The following SCFD2 variants were observed in gnomAD, a reference collection of about 807,000 sequenced individuals.
SCFD2 encodes sec1 family domain containing 2, also known as sec1 family domain-containing protein 2.
SCFD2 carries 54 observed loss-of-function variants against 58.9 expected under a neutral mutation model. The ratio of observed to expected loss-of-function variants is 0.92; its 90% CI spans 0.74 to 1.15. SCFD2 has a LOEUF of 1.15. Among genes scored for constraint, SCFD2 ranks in the 50% most tolerant of loss-of-function variants. The probability of loss-of-function intolerance (pLI) is 0.00; values close to 1 mark genes in which losing one functional copy is unlikely to be tolerated. For missense variants in SCFD2, 805 were observed against 836.6 expected (o/e 0.96, Z 0.47); for synonymous variants, 321 against 335.9 (o/e 0.96, Z 0.49).
At chr4:52,982,542 TTA>T (rs1343985817) in intron 5 of SCFD2, among the ~76,000 whole-genome samples, 1 of 152,200 alleles carries the variant, frequency 6.6e-6, no homozygotes, top group African/African-American at 2.4e-5. Context: ...CAGTTTTGAC[TTA>T]TAATAAACTA....
chr4:52,896,727 A>T (rs1264988904), intron 7 of SCFD2, among the ~76,000 whole-genome samples: 1 of 152,224 alleles, frequency 6.6e-6, no homozygotes, highest in African/African-American at 2.4e-5. Context: ...TGGGGATGAC[A>T]TTGAATCTAT....
intron 2 of SCFD2, among the ~76,000 whole-genome samples, chr4:53,346,135 A>G (rs1044991853): frequency 2.0e-4 from 30 of 151,364 alleles, no homozygotes; most frequent in Non-Finnish European, 1.8e-4. Flanking sequence ...AAGAAATAAG[A>G]TATTTATACA....
At chr4:52,944,291 T>C (rs1720366031) in intron 5 of SCFD2, among the ~76,000 whole-genome samples, 1 of 152,198 alleles carries the variant, frequency 6.6e-6, no homozygotes, top group South Asian at 2.1e-4. Flanking sequence ...AGAAATGTTA[T>C]TGAGTTCTAT....
At chr4:53,036,017 C>T (rs1367775805) in intron 5 of SCFD2, among the ~76,000 whole-genome samples, 1 of 152,146 alleles carries the variant, frequency 6.6e-6, no homozygotes, top group African/African-American at 2.4e-5. Context: ...TACAAAGGCA[C>T]ATGCACCCAT....
intron 2 of SCFD2, among the ~76,000 whole-genome samples, chr4:53,334,182 A>T (rs1171885441): frequency 2.0e-5 from 3 of 150,634 alleles, no homozygotes; most frequent in Non-Finnish European, 4.5e-5. Context: ...CCATTGTGGA[A>T]GTCAGTGTGG....
chr4:53,019,464 C>G (rs1380185539), intron 5 of SCFD2, among the ~76,000 whole-genome samples: 2 of 152,100 alleles, frequency 1.3e-5, no homozygotes, highest in Non-Finnish European at 2.9e-5. Context: ...AAATGTTTAT[C>G]TTCATACTTT....
At chr4:52,973,293 G>A (rs1359130928) in intron 5 of SCFD2, among the ~76,000 whole-genome samples, 1 of 152,108 alleles carries the variant, frequency 6.6e-6, no homozygotes, top group African/African-American at 2.4e-5. Context: ...AAGAAGAAAA[G>A]AGAGAAGAAT....
intron 7 of SCFD2, among the ~76,000 whole-genome samples, chr4:52,902,085 A>G (rs1023447868): frequency 6.6e-6 from 1 of 152,194 alleles, no homozygotes; most frequent in Non-Finnish European, 1.5e-5. Context: ...CTCATTCCCC[A>G]TACGTGGAGA....
At chr4:53,111,784 A>G (rs557150192) in intron 5 of SCFD2, among the ~76,000 whole-genome samples, 2 of 152,282 alleles carry the variant, frequency 1.3e-5, no homozygotes, top group African/African-American at 4.8e-5. Flanking sequence ...TGTGATTTAT[A>G]GCTTATGCTG....
chr4:53,238,402 G>A (rs572034798), intron 4 of SCFD2, among the ~76,000 whole-genome samples: 3 of 141,800 alleles, frequency 2.1e-5, no homozygotes, highest in Admixed American at 6.8e-5. Flanking sequence ...CTGGCGGGGG[G>A]CTGACCCCCC....
chr4:53,019,392 G>A (rs1722292959), intron 5 of SCFD2, among the ~76,000 whole-genome samples: 1 of 152,154 alleles, frequency 6.6e-6, no homozygotes, highest in South Asian at 2.1e-4. Flanking sequence ...ATATGCTTAT[G>A]AATTGAAATA....
chr4:53,043,409 C>T (rs1577680739), intron 5 of SCFD2, among the ~76,000 whole-genome samples: 1 of 152,030 alleles, frequency 6.6e-6, no homozygotes, highest in East Asian at 1.9e-4. Context: ...AAAAATAGTG[C>T]TGAGAAAAGA....
At chr4:53,353,605 A>G (rs1248997217) in intron 1 of SCFD2, among the ~76,000 whole-genome samples, 3 of 152,202 alleles carry the variant, frequency 2.0e-5, no homozygotes, top group Admixed American at 6.5e-5. Context: ...TGAGTGGTCC[A>G]TTTTGACAGG....
rs112880027 is a variant in SCFD2, at chr4:53,065,475, T to C, written c.1561+79858A>G. Among the ~76,000 whole-genome samples the C allele has an allele frequency of 2.5e-3, 377 of 152,142 alleles. 1 individual carries two copies. The highest frequency in any genetic ancestry group is 4.2e-3 in the Non-Finnish European group (288 of 67,948). On this transcript the variant is annotated intron_variant, in intron 5 of 8. Transcript: ENST00000401642. Reference sequence around the variant, plus strand: ...AATCTCTGAAATCCTGCTGAGAAACTAGCATAGCAAACCGCCAGTAACACT... The same window carrying C: ...AATCTCTGAAATCCTGCTGAGAAACCAGCATAGCAAACCGCCAGTAACACT...
At chr4:53,170,024 G>A (rs1292796841) in intron 4 of SCFD2, among the ~76,000 whole-genome samples, 1 of 152,116 alleles carries the variant, frequency 6.6e-6, no homozygotes, top group Non-Finnish European at 1.5e-5. Flanking sequence ...CTATGTAGAA[G>A]CTTTTTTAAT....
chr4:53,053,042 T>C (rs550274296), intron 5 of SCFD2, among the ~76,000 whole-genome samples: 30 of 152,124 alleles, frequency 2.0e-4, no homozygotes, highest in African/African-American at 7.2e-4. Flanking sequence ...TTCACCAACA[T>C]GGTGAAACCC....
At chr4:53,324,055 C>T (rs1733105178) in intron 2 of SCFD2, among the ~76,000 whole-genome samples, 1 of 152,122 alleles carries the variant, frequency 6.6e-6, no homozygotes, top group African/African-American at 2.4e-5. Flanking sequence ...GAACAACTTG[C>T]ACAAGGTTGA....
intron 4 of SCFD2, among the ~76,000 whole-genome samples, chr4:53,188,754 T>C (rs1224845756): frequency 1.3e-5 from 2 of 152,134 alleles, no homozygotes; most frequent in African/African-American, 2.4e-5. Context: ...CTTAATTCCA[T>C]CTAGTAAGAT....
intron 2 of SCFD2, among the ~76,000 whole-genome samples, chr4:53,318,102 C>A (rs1732918995): frequency 6.6e-6 from 1 of 152,170 alleles, no homozygotes. Context: ...ATGTAGAATT[C>A]ATACACACTG....
Sources: allele counts gnomAD v4.1 joint callset (sites outside exome capture counted in the v4.1 genomes callset), GRCh38; gene constraint gnomAD v4.1.1; transcripts MANE v1.5; gene names NCBI Gene and HGNC (gene_info 2026-07-23, HGNC 2026-07-21).